Variants in ALB observed in about 807,000 individuals in gnomAD.
The protein encoded by ALB is serum albumin.
ALB carries 37 observed loss-of-function variants against 74.5 expected under a neutral mutation model. The ratio of observed to expected loss-of-function variants is 0.50; its 90% CI spans 0.38 to 0.65. The LOEUF (loss-of-function observed/expected upper bound fraction) is 0.65. Ranked by LOEUF, ALB falls within the 30% of genes least tolerant of loss-of-function variation. The pLI, the probability that ALB is intolerant of heterozygous loss-of-function variation, is 0.00. For synonymous variants in ALB, 249 were observed against 251.6 expected, an observed-to-expected ratio of 0.99 and a Z score of 0.10; for missense variants, 685 against 718.7, an observed-to-expected ratio of 0.95 and a Z score of 0.54.
At position 73,405,191 on chromosome 4, in the gene ALB, T is replaced by TTTTTAAATTTAAAAAAAATTTAAAATA; in HGVS notation, c.137+18_137+19insTTTTAAATTTAAAAAAAATTTAAAATA. The TTTTTAAATTTAAAAAAAATTTAAAATA allele has an allele frequency of 6.4e-7, 1 of 1,572,270 alleles. No homozygotes were observed. Among genetic ancestry groups the TTTTTAAATTTAAAAAAAATTTAAAATA allele is most frequent in the South Asian group, 1.1e-5 (1 of 90,170 alleles). On this transcript the variant is annotated intron_variant, in intron 2 of 14. Coordinates refer to ENST00000295897, the MANE Select transcript of ALB (RefSeq NM_000477.7). Reference sequence around the variant, plus strand: ...AAAGCCTTGTAAGTTAAAATATTGATGAATCAAATTTAATGTTTCTAATAG... The same window carrying TTTTTAAATTTAAAAAAAATTTAAAATA: ...AAAGCCTTGTAAGTTAAAATATTGATTTTTAAATTTAAAAAAAATTTAAAATAGAATCAAATTTAATGTTTCTAATAG...
In ALB at chr4:73,413,653, A is replaced by G. The variant is rs1718936436; in HGVS notation, c.1058+19A>G. On this transcript the variant is annotated intron_variant, in intron 8 of 14. Transcript: ENST00000295897. ...TGGGCATGTAAGTAGATAAGAAATT[A>G]TTCTTTTATAGCTTTGGCATGACCT... The G allele has an allele frequency of 6.2e-7, 1 of 1,611,344 alleles. No homozygotes were observed. The highest frequency in any genetic ancestry group is 1.3e-5 in the African/African-American group (1 of 74,864).
At chr4:73,410,744 CTTTA>C (rs983619854) in intron 6 of ALB, among the ~76,000 whole-genome samples, 7 of 151,906 alleles carry the variant, frequency 4.6e-5, no homozygotes, top group Admixed American at 3.3e-4. Context: ...AGGCATGGTT[CTTTA>C]TTTAATTTTT....
rs1478754599 is a variant in ALB, at chr4:73,412,178, A to G, written c.843+53A>G. The G allele has an allele frequency of 6.2e-6, 10 of 1,609,432 alleles. No individual in the cohort carries two copies. The East Asian group carries it at 2.2e-4, about 36-fold the overall frequency. On this transcript the variant is annotated intron_variant, in intron 7 of 14. Coordinates refer to ENST00000295897, the MANE Select transcript of ALB (RefSeq NM_000477.7). ...TAGCTTGCATGCTCAAGTTGGTAGA[A>G]TGGATGCGTTTGGTATCATTGGTGA...
intron 10 of ALB, 92 bp downstream of exon 10, chr4:73,416,445 GA>G (rs752447286): frequency 4.5e-5 from 40 of 890,026 alleles, no homozygotes; most frequent in Non-Finnish European, 6.5e-5. Flanking sequence ...TTTTAAGAAT[GA>G]AAATACATTG....
In ALB at chr4:73,418,105, C is replaced by T. The variant is rs59597814; in HGVS notation, c.1446C>T (p.Asn482=). ...TTCTTTAGCTATCCGTGGTCCTGAA[C>T]CAGTTATGTGTGTTGCATGAGAAAA... ...CAEDYLSVVL[N]QLCVLHEKTP... The change falls in exon 12 of 15, where the codon AAC becomes AAT. Residue 482 remains asparagine, a synonymous_variant. Coordinates refer to ENST00000295897, the MANE Select transcript of ALB (RefSeq NM_000477.7). The T allele has an allele frequency of 6.7e-4, 1,081 of 1,613,948 alleles. 3 individuals are homozygous for T. The highest frequency in any genetic ancestry group is 6.7e-4 in the Non-Finnish European group (790 of 1,179,990).
At chr4:73,411,722 T>G (rs1718881842) in intron 6 of ALB, among the ~76,000 whole-genome samples, 1 of 152,202 alleles carries the variant, frequency 6.6e-6, no homozygotes, top group Non-Finnish European at 1.5e-5. Context: ...ACTCCAAACC[T>G]GATGCTTCTC....
At position 73,413,491 on chromosome 4, in the gene ALB, A is replaced by G. The variant is rs1234423694; in HGVS notation, c.915A>G (p.Lys305=). The G allele has an allele frequency of 6.2e-7, 1 of 1,613,878 alleles. No homozygotes were observed. Among genetic ancestry groups the G allele is most frequent in the Non-Finnish European group, 8.5e-7 (1 of 1,179,944 alleles). ...GTAAACTGAAGGAATGCTGTGAAAAACCTCTGTTGGAAAAATCCCACTGCA... is the reference window on the plus strand; with the variant it reads ...GTAAACTGAAGGAATGCTGTGAAAAGCCTCTGTTGGAAAAATCCCACTGCA... ...ISSKLKECCE[K]PLLEKSHCIA... Residue 305 remains lysine, a synonymous_variant, in exon 8 of 15, where the codon AAA becomes AAG. Transcript: ENST00000295897.
At position 73,415,153 on chromosome 4, in the gene ALB, T is replaced by A. The variant is rs11538215; in HGVS notation, c.1177T>A (p.Cys393Ser). 1 of 1,614,134 alleles carries A rather than the reference T, an allele frequency of 6.2e-7. No individual in the cohort carries two copies. Among genetic ancestry groups the A allele is most frequent in the Admixed American group, 1.7e-5 (1 of 60,004 alleles). Residue 393 changes from cysteine (C) to serine (S), a missense_variant, in exon 9 of 15, where the codon TGC becomes AGC. Cys to Ser is a moderately radical substitution (Grantham distance 112). Coordinates refer to ENST00000295897, the MANE Select transcript of ALB (RefSeq NM_000477.7). ...CTGTGCCGCTGCAGATCCTCATGAA[T>A]GCTATGCCAAAGTGGTAGGTTTATT... ...KCCAAADPHE[C>S]YAKVFDEFKP...
rs556085454 is a variant in ALB, at chr4:73,413,329, A to G, written c.844-91A>G. On this transcript the variant is annotated intron_variant, in intron 7 of 14. Coordinates refer to ENST00000295897, the MANE Select transcript of ALB (RefSeq NM_000477.7). ...AATATGTGTATGGTCTTAGAATACA[A>G]TGAATATGTTCTGCCAACTTAATAA... 46 of 1,191,976 alleles carry G rather than the reference A, an allele frequency of 3.9e-5. No individual in the cohort carries two copies. The African/African-American group carries it at 6.3e-4, about 16-fold the overall frequency. 73.8% of individuals were successfully genotyped at this position (1,191,976 alleles called of 1,614,324 possible). A position where few individuals can be genotyped will look rare whatever the true frequency, so the allele number is the denominator to read the frequency against.
chr4:73,411,981 C>A lies in ALB; in HGVS notation c.714-15C>A. ...CGCATGATAATACCATTTTGATTGGCGATTTTCTTTTTAGGGCAGTAGCTC... is the reference window on the plus strand; with the variant it reads ...CGCATGATAATACCATTTTGATTGGAGATTTTCTTTTTAGGGCAGTAGCTC... On this transcript the variant is annotated splice_polypyrimidine_tract_variant and intron_variant, in intron 6 of 14. Transcript: ENST00000295897. The A allele has an allele frequency of 6.2e-7, 1 of 1,613,826 alleles. No individual in the cohort carries two copies. The highest frequency in any genetic ancestry group is 8.5e-7 in the Non-Finnish European group (1 of 1,179,874).
At chr4:73,407,696 T>G (rs1718767586) in intron 3 of ALB, among the ~76,000 whole-genome samples, 1 of 152,244 alleles carries the variant, frequency 6.6e-6, no homozygotes, top group African/African-American at 2.4e-5. Flanking sequence ...TTCCTCATTT[T>G]AGATATCTTT....
At position 73,420,311 on chromosome 4, in the gene ALB, A is replaced by G. The variant is rs780725420; in HGVS notation, c.*13A>G. ...CTTAGGCTTATAACATCACATTTAA[A>G]AGCATCTCAGGTAACTATATTTTGA... On this transcript the variant is annotated 3_prime_UTR_variant, in exon 14 of 15. Coordinates refer to ENST00000295897, the MANE Select transcript of ALB (RefSeq NM_000477.7). 2.5e-6 allele frequency: 4 copies of G among 1,605,920 alleles called. No homozygotes were observed. Among genetic ancestry groups the G allele is most frequent in the Non-Finnish European group, 3.4e-6 (4 of 1,173,372 alleles).
At position 73,411,055 on chromosome 4, in the gene ALB, C is replaced by T. The variant is rs111923618; in HGVS notation, c.713+646C>T. 1.3e-3 allele frequency among the ~76,000 whole-genome samples: 199 copies of T among 152,140 alleles called. 1 individual carries two copies. Among genetic ancestry groups the T allele is most frequent in the South Asian group, 9.1e-3 (44 of 4,818 alleles). On this transcript the variant is annotated intron_variant, in intron 6 of 14. Transcript: ENST00000295897. ...GGTTCTGGGAGCATACTTTAATAGC[C>T]GAGTCAAGAAAAATACTAGCTGCCC...
chr4:73,415,373 G>A, intron 9 of ALB: 1 of 572,678 alleles, frequency 1.7e-6, no homozygotes, highest in Non-Finnish European at 3.0e-6. Flanking sequence ...AGAAAGATCT[G>A]AATAGAGCAA....
At position 73,404,405 on chromosome 4, in the gene ALB, A is replaced by T. The variant is rs1388895082; in HGVS notation, c.78A>T (p.Ala26=). 2 of 1,610,554 alleles carry T rather than the reference A, an allele frequency of 1.2e-6. No individual in the cohort carries two copies. The highest frequency in any genetic ancestry group is 1.3e-5 in the African/African-American group (1 of 74,816). The change falls in exon 1 of 15, where the codon GCA becomes GCT. Residue 26 remains alanine, a splice_region_variant and synonymous_variant. Transcript: ENST00000295897. ...AYSRGVFRRD[A]HKSEVAHRFK... Reference sequence around the variant, plus strand: ...CCAGGGGTGTGTTTCGTCGAGATGCACGTAAGAAATCCATTTTTCTATTGT... The same window carrying T: ...CCAGGGGTGTGTTTCGTCGAGATGCTCGTAAGAAATCCATTTTTCTATTGT...
At position 73,420,204 on chromosome 4, in the gene ALB, T is replaced by C. The variant is rs762212343; in HGVS notation, c.1786-50T>C. Reference sequence around the variant, plus strand: ...CTTCATAAATGTTAATTTTGTATCCTAATAGTAATGCTAATATTTTCCTAA... The same window carrying C: ...CTTCATAAATGTTAATTTTGTATCCCAATAGTAATGCTAATATTTTCCTAA... On this transcript the variant is annotated intron_variant, in intron 13 of 14. Coordinates refer to ENST00000295897, the MANE Select transcript of ALB (RefSeq NM_000477.7). 3 of 1,503,928 alleles carry C rather than the reference T, an allele frequency of 2.0e-6. No individual in the cohort carries two copies. The Admixed American group carries it at 5.0e-5, about 25-fold the overall frequency. 93.2% of individuals were successfully genotyped at this position (1,503,928 alleles called of 1,614,324 possible).
chr4:73,420,420 C>T (rs2149330200), intron 14 of ALB, 99 bp downstream of exon 14: 2 of 750,038 alleles, frequency 2.7e-6, no homozygotes, highest in Non-Finnish European at 4.4e-6. Flanking sequence ...CCAGCACCGA[C>T]CACTATTCTA....
intron 8 of ALB, among the ~76,000 whole-genome samples, chr4:73,414,784 C>A (rs1208248930): frequency 1.3e-5 from 2 of 152,004 alleles, no homozygotes; most frequent in Non-Finnish European, 2.9e-5. Flanking sequence ...TCCATTCTAC[C>A]GAGAAGGAGA....
chr4:73,404,786 C>A, intron 1 of ALB: 1 of 345,972 alleles, frequency 2.9e-6, no homozygotes, highest in Non-Finnish European at 5.3e-6. Context: ...ATAAATAGAA[C>A]TTGTATTTAT....
Sources: gnomAD v4.1 joint callset for allele counts (sites outside exome capture counted in the v4.1 genomes callset) on GRCh38, gnomAD v4.1.1 for gene constraint, MANE v1.5 for transcripts, NCBI Gene and HGNC (gene_info 2026-07-23, HGNC 2026-07-21) for gene names.